LDHAL6A: variants seen among roughly 807,000 people sequenced by gnomAD.
LDHAL6A encodes L-lactate dehydrogenase A-like 6A.
A neutral mutation model predicts 28.2 loss-of-function variants in LDHAL6A; 19 were observed. That is an observed-to-expected ratio of 0.67 (90% CI 0.47 to 0.99). LDHAL6A has a LOEUF of 0.99. Among genes scored for constraint, LDHAL6A ranks in the 50% least tolerant of loss-of-function variants. The pLI is 0.00. For missense variants in LDHAL6A, 372 were observed against 398.6 expected, an observed-to-expected ratio of 0.93 and a Z score of 0.57; for synonymous variants, 144 against 134.4, an observed-to-expected ratio of 1.07 and a Z score of -0.49.
rs1027333018 is a variant in LDHAL6A, at chr11:18,465,875, A to G, written c.418+65A>G. 7.6e-6 allele frequency: 10 copies of G among 1,318,618 alleles called. No individual in the cohort carries two copies. In the African/African-American group the frequency reaches 1.3e-4, roughly 17 times the overall value. 81.7% of individuals were successfully genotyped at this position (1,318,618 alleles called of 1,614,324 possible). ...GGGGTACACTGTGTAGGTTCATTAC[A>G]TGAGTATACTGTGTGATGCTGAGGT... On this transcript the variant is annotated intron_variant, in intron 3 of 6. Transcript: ENST00000280706.
chr11:18,456,819 C>A lies in LDHAL6A; in HGVS notation c.126+13C>A. The A allele has an allele frequency of 6.2e-7, 1 of 1,610,250 alleles. No homozygotes were observed. The highest frequency in any genetic ancestry group is 8.5e-7 in the Non-Finnish European group (1 of 1,178,614). ...CATCTTATTAAAAGTAAGTTGTGTG[C>A]TCTGCACCACAGGGTTCACCTCAGT... is the stretch of plus-strand genomic sequence containing the variant. On this transcript the variant is annotated intron_variant, in intron 1 of 6. Coordinates refer to ENST00000280706, the MANE Select transcript of LDHAL6A (RefSeq NM_144972.5).
intron 5 of LDHAL6A, 100 bp downstream of exon 5, chr11:18,476,601 C>G: frequency 6.7e-7 from 1 of 1,486,580 alleles, no homozygotes; most frequent in Non-Finnish European, 9.0e-7. Context: ...TGTTGTATTT[C>G]CCATATTTTT....
At chr11:18,476,257 G>A in intron 4 of LDHAL6A, 127 bp from the exon 5 acceptor site, 1 of 992,826 alleles carries the variant, frequency 1.0e-6, no homozygotes, top group Non-Finnish European at 1.4e-6. Context: ...TCTGGAGTGG[G>A]GCTCAGATAT....
chr11:18,464,546 C>G (rs183958917), intron 2 of LDHAL6A, among the ~76,000 whole-genome samples: 2 of 152,190 alleles, frequency 1.3e-5, no homozygotes, highest in Non-Finnish European at 2.9e-5. Flanking sequence ...GAAACCCTGT[C>G]TCTATTAAAA....
chr11:18,468,335 G>GTTTTTTTTT (rs536487127), intron 3 of LDHAL6A: 1 of 142,524 alleles, frequency 7.0e-6, no homozygotes, highest in Non-Finnish European at 1.5e-5. Context: ...GGATGTATAG[G>GTTTTTTTTT]TTTTTTTTTT....
intron 1 of LDHAL6A, among the ~76,000 whole-genome samples, chr11:18,462,624 A>G (rs868784588): frequency 4.7e-4 from 66 of 141,162 alleles, no homozygotes; most frequent in African/African-American, 1.5e-3. Context: ...GCAACAGAGC[A>G]AGACTCTGTC....
At chr11:18,471,349 G>A (rs1434319076) in intron 3 of LDHAL6A, among the ~76,000 whole-genome samples, 1 of 151,426 alleles carries the variant, frequency 6.6e-6, no homozygotes, top group Non-Finnish European at 1.5e-5. Flanking sequence ...AGCTGGGATT[G>A]CAGGCGCACA....
At chr11:18,469,166 G>A (rs1268154050) in intron 3 of LDHAL6A, 1 of 623,306 alleles carries the variant, frequency 1.6e-6, no homozygotes, top group East Asian at 3.0e-5. Context: ...AGTTGTGAAG[G>A]CACCTGGTGG....
chr11:18,461,112 A>G (rs1258911284), intron 1 of LDHAL6A, among the ~76,000 whole-genome samples: 1 of 150,610 alleles, frequency 6.6e-6, no homozygotes, highest in Non-Finnish European at 1.5e-5. Context: ...TGCTGGGATT[A>G]CATGCGTGAG....
intron 3 of LDHAL6A, among the ~76,000 whole-genome samples, chr11:18,470,074 A>T (rs1036059092): frequency 8.5e-5 from 13 of 152,104 alleles, no homozygotes; most frequent in Non-Finnish European, 1.3e-4. Flanking sequence ...GATTACAGGC[A>T]TGTGCCACCA....
At chr11:18,458,356 C>T (rs1848811225) in intron 1 of LDHAL6A, among the ~76,000 whole-genome samples, 2 of 152,154 alleles carry the variant, frequency 1.3e-5, no homozygotes, top group South Asian at 4.1e-4. Context: ...TGGTGGCTTA[C>T]CTCTGGAGGC....
chr11:18,457,352 C>G (rs1167880926), intron 1 of LDHAL6A, among the ~76,000 whole-genome samples: 3 of 152,046 alleles, frequency 2.0e-5, no homozygotes, highest in Non-Finnish European at 4.4e-5. Flanking sequence ...GATTCTGACC[C>G]CTTTCTAAGA....
intron 4 of LDHAL6A, 107 bp from the exon 5 acceptor site, chr11:18,476,277 C>G (rs1357682900): frequency 7.7e-7 from 1 of 1,292,918 alleles, no homozygotes; most frequent in Non-Finnish European, 1.0e-6. Flanking sequence ...TCGGAACATT[C>G]CTAGTTGGAA....
intron 1 of LDHAL6A, among the ~76,000 whole-genome samples, chr11:18,460,761 A>G (rs951711876): frequency 2.2e-4 from 33 of 150,440 alleles, no homozygotes; most frequent in African/African-American, 7.0e-4. Context: ...CCCTGTCTCA[A>G]AAAAGAAAAA....
chr11:18,456,697 G>T lies in LDHAL6A; in HGVS notation c.17G>T (p.Ser6Ile), dbSNP rs1200262456. MATIK[S>I]ELIKNFAEEE... ...GTTTCCAAGATGGCAACTATCAAGAGTGAACTTATTAAGAATTTCGCGGAA... is the reference window on the plus strand; with the variant it reads ...GTTTCCAAGATGGCAACTATCAAGATTGAACTTATTAAGAATTTCGCGGAA... The change falls in exon 1 of 7, where the codon AGT becomes ATT. Residue 6 changes from serine (S) to isoleucine (I), a missense_variant. Around this residue, in one of 3 missense-constraint regions of LDHAL6A, gnomAD observed 77 missense variants for 77.9 expected, o/e 0.99. Coordinates refer to ENST00000280706, the MANE Select transcript of LDHAL6A (RefSeq NM_144972.5). 2 of 1,614,046 alleles carry T rather than the reference G, an allele frequency of 1.2e-6. No individual in the cohort carries two copies. The highest frequency in any genetic ancestry group is 1.7e-6 in the Non-Finnish European group (2 of 1,179,940).
chr11:18,461,386 G>T (rs558978115), intron 1 of LDHAL6A, among the ~76,000 whole-genome samples: 7 of 151,402 alleles, frequency 4.6e-5, no homozygotes, highest in Admixed American at 2.6e-4. Flanking sequence ...CTCATGATCC[G>T]CCCACCTTGG....
At position 18,476,368 on chromosome 11, in the gene LDHAL6A, G is replaced by A; in HGVS notation, c.593-16G>A. On this transcript the variant is annotated splice_polypyrimidine_tract_variant and intron_variant, in intron 4 of 6. Transcript: ENST00000280706. ...ATACCATGTAAGAAGTGGGATTTTG[G>A]GTGTCTCTTTCTTAGTTCCTGTGTG... 6.2e-7 allele frequency: 1 copy of A among 1,607,136 alleles called. No individual in the cohort carries two copies. The highest frequency in any genetic ancestry group is 1.3e-5 in the African/African-American group (1 of 74,622).
chr11:18,478,714 T>G lies in LDHAL6A; in HGVS notation c.843T>G (p.Tyr281Ter). Residue 281 changes from tyrosine (Y) to a stop codon, truncating the protein, a stop_gained, in exon 7 of 7, where the codon TAT becomes TAG. Transcript: ENST00000280706. LOFTEE classifies it low-confidence loss of function (END_TRUNC). ...HPVSTLSKGL[Y>*]GINEDIFLSV... ...TAAGTCTTTACTTTCAGGGCCTCTA[T>G]GGAATAAATGAAGACATATTCCTTA... The G allele has an allele frequency of 6.2e-7, 1 of 1,605,618 alleles. No homozygotes were observed. The highest frequency in any genetic ancestry group is 2.2e-5 in the East Asian group (1 of 44,850).
intron 3 of LDHAL6A, among the ~76,000 whole-genome samples, chr11:18,473,438 G>A (rs1849296033): frequency 6.6e-6 from 1 of 152,188 alleles, no homozygotes; most frequent in South Asian, 2.1e-4. Flanking sequence ...CTTTTGCTTT[G>A]TTACCTATGC....
Sources: allele counts gnomAD v4.1 joint callset (sites outside exome capture counted in the v4.1 genomes callset), GRCh38; gene constraint gnomAD v4.1.1; regional missense constraint gnomAD v4.1.1; transcripts MANE v1.5; gene names NCBI Gene and HGNC (gene_info 2026-07-23, HGNC 2026-07-21).